Variants in OPRM1 observed in about 807,000 individuals in gnomAD.
OPRM1 encodes the protein mu-type opioid receptor.
A neutral mutation model predicts 31.8 loss-of-function variants in OPRM1; 27 were observed. The observed-to-expected ratio is 0.85, with a 90% CI of 0.63 to 1.17. OPRM1 has a LOEUF of 1.17. Ranked by LOEUF, OPRM1 falls within the 50% of genes most tolerant of loss-of-function variation. The probability of loss-of-function intolerance (pLI) is 0.00; values close to 1 mark genes in which losing one functional copy is unlikely to be tolerated. For synonymous variants in OPRM1, 196 were observed against 189.9 expected, an observed-to-expected ratio of 1.03 and a Z score of -0.26; for missense variants, 536 against 511.1, an observed-to-expected ratio of 1.05 and a Z score of -0.47.
intron 1 of OPRM1, among the ~76,000 whole-genome samples, chr6:154,062,874 C>T (rs1784674129): frequency 2.0e-5 from 3 of 151,952 alleles, no homozygotes; most frequent in South Asian, 4.1e-4. Context: ...TTGGACAAAT[C>T]GAATTTGAAA....
intron 3 of OPRM1, among the ~76,000 whole-genome samples, chr6:154,163,437 A>T (rs1799183941): frequency 6.6e-6 from 1 of 152,206 alleles, no homozygotes; most frequent in Non-Finnish European, 1.5e-5. Flanking sequence ...TCCTAATTAA[A>T]TATCAATTCC....
intron 3 of OPRM1, among the ~76,000 whole-genome samples, chr6:154,191,943 A>T (rs1009011902): frequency 2.0e-5 from 3 of 152,184 alleles, no homozygotes; most frequent in Non-Finnish European, 2.9e-5. Context: ...TCTCCACAGC[A>T]GCATTTTACA....
chr6:154,237,000 T>C (rs1001773296), intron 3 of OPRM1, among the ~76,000 whole-genome samples: 1 of 152,190 alleles, frequency 6.6e-6, no homozygotes, highest in Non-Finnish European at 1.5e-5. Context: ...AACTTTCCTC[T>C]CTATGGTTTC....
At chr6:154,239,631 T>C (rs1201700907) in intron 3 of OPRM1, among the ~76,000 whole-genome samples, 2 of 152,208 alleles carry the variant, frequency 1.3e-5, no homozygotes, top group Non-Finnish European at 2.9e-5. Context: ...TCCTTTCTAA[T>C]GCAAATTCTA....
At chr6:154,141,668 T>C (rs1798215834) in intron 3 of OPRM1, among the ~76,000 whole-genome samples, 1 of 152,224 alleles carries the variant, frequency 6.6e-6, no homozygotes, top group African/African-American at 2.4e-5. Context: ...ATTGGTTCAG[T>C]CCAGAAGGGC....
At chr6:154,045,935 C>T (rs1026496753) in intron 1 of OPRM1, among the ~76,000 whole-genome samples, 5 of 152,198 alleles carry the variant, frequency 3.3e-5, no homozygotes, top group South Asian at 4.1e-4. Context: ...CACATTGTGA[C>T]CGTCTCAAAA....
chr6:154,115,128 T>C (rs970325451), intron 3 of OPRM1, among the ~76,000 whole-genome samples: 1 of 152,186 alleles, frequency 6.6e-6, no homozygotes, highest in Non-Finnish European at 1.5e-5. Flanking sequence ...TCCTTTCCTA[T>C]TTTTTTGGTA....
At chr6:154,154,496 T>C (rs1276265785) in intron 3 of OPRM1, 1 of 152,174 alleles carries the variant, frequency 6.6e-6, no homozygotes, top group East Asian at 1.9e-4. Flanking sequence ...TTGAAACAGA[T>C]TTCCAATATA....
intron 3 of OPRM1, among the ~76,000 whole-genome samples, chr6:154,222,298 A>G (rs897185847): frequency 6.6e-5 from 10 of 152,250 alleles, no homozygotes; most frequent in Non-Finnish European, 1.5e-4. Context: ...TTCAAACCAC[A>G]AGAATCAGCA....
intron 1 of OPRM1, among the ~76,000 whole-genome samples, chr6:154,012,871 C>T (rs1351917010): frequency 6.6e-6 from 1 of 152,042 alleles, no homozygotes; most frequent in Non-Finnish European, 1.5e-5. Context: ...ATGACATACA[C>T]AGGGAGAGAG....
chr6:154,214,089 T>C, intron 3 of OPRM1: 1 of 682,348 alleles, frequency 1.5e-6, no homozygotes, highest in Non-Finnish European at 2.7e-6. Flanking sequence ...TATTTTCAGA[T>C]CATCTTAAAT....
chr6:154,221,384 G>C, intron 3 of OPRM1: 4 of 1,321,118 alleles, frequency 3.0e-6, no homozygotes, highest in Non-Finnish European at 3.2e-6. Context: ...GTCAACAATG[G>C]GTCTGAAAGT....
intron 3 of OPRM1, among the ~76,000 whole-genome samples, chr6:154,111,045 T>G (rs1796309168): frequency 6.6e-6 from 1 of 152,118 alleles, no homozygotes; most frequent in African/African-American, 2.4e-5. Context: ...TTGGACAAAA[T>G]AAGTCCATAT....
At chr6:154,191,713 G>C (rs1182309382) in intron 3 of OPRM1, among the ~76,000 whole-genome samples, 1 of 150,718 alleles carries the variant, frequency 6.6e-6, no homozygotes, top group Non-Finnish European at 1.5e-5. Flanking sequence ...CAACAACAAA[G>C]AGTGAACCCT....
At position 154,199,679 on chromosome 6, in the gene OPRM1, A is replaced by T. The variant is rs779459706; in HGVS notation, c.1165-47014A>T. 3.7e-6 allele frequency: 6 copies of T among 1,606,168 alleles called. No homozygotes were observed. In the Admixed American group the frequency reaches 5.1e-5, roughly 14 times the overall value. Reference sequence around the variant, plus strand: ...ATTTATTGGTTTACCTTTGTCCATGATCTTTGATCCAGCAGGCTTATCTGG... The same window carrying T: ...ATTTATTGGTTTACCTTTGTCCATGTTCTTTGATCCAGCAGGCTTATCTGG... On this transcript the variant is annotated intron_variant, in intron 3 of 3. Coordinates refer to the OPRM1 transcript ENST00000337049.
chr6:154,060,661 G>GT (rs1156318339), intron 1 of OPRM1, among the ~76,000 whole-genome samples: 2 of 152,126 alleles, frequency 1.3e-5, no homozygotes, highest in African/African-American at 2.4e-5. Context: ...AGTTGTATGA[G>GT]TTTTTTCCCC....
intron 3 of OPRM1, chr6:154,157,917 C>A (rs532935622): frequency 6.6e-6 from 1 of 152,432 alleles, no homozygotes; most frequent in Non-Finnish European, 1.5e-5. Context: ...AATGTTCTCT[C>A]TGTCAGGTCA....
intron 1 of OPRM1, among the ~76,000 whole-genome samples, chr6:154,068,232 A>T (rs1763804173): frequency 6.6e-6 from 1 of 152,190 alleles, no homozygotes; most frequent in Admixed American, 6.5e-5. Flanking sequence ...ATGAAAACAC[A>T]ACATTCACTC....
chr6:154,192,138 C>A (rs1390012076), intron 3 of OPRM1, among the ~76,000 whole-genome samples: 1 of 152,170 alleles, frequency 6.6e-6, no homozygotes, highest in Non-Finnish European at 1.5e-5. Context: ...GGAAGTGGAA[C>A]TGCTGGCCAT....
Sources: gnomAD v4.1 joint callset for allele counts (sites outside exome capture counted in the v4.1 genomes callset) on GRCh38, gnomAD v4.1.1 for gene constraint, MANE v1.5 for transcripts, NCBI Gene and HGNC (gene_info 2026-07-23, HGNC 2026-07-21) for gene names.